CCNYL1: variants seen among roughly 807,000 people sequenced by gnomAD.
CCNYL1 encodes the protein cyclin-Y-like protein 1.
A neutral mutation model predicts 44.2 loss-of-function variants in CCNYL1; 16 were observed. The ratio of observed to expected loss-of-function variants is 0.36; its 90% CI spans 0.25 to 0.55. The LOEUF (loss-of-function observed/expected upper bound fraction) is 0.55, where lower values mean the gene tolerates loss of function less well. CCNYL1 is among the 20% of genes least tolerant of loss of function. The pLI, the probability that CCNYL1 is intolerant of heterozygous loss-of-function variation, is 0.85. For synonymous variants in CCNYL1, 159 were observed against 163.2 expected (o/e 0.97, Z 0.20); for missense variants, 348 against 451.8 (o/e 0.77, Z 2.08).
chr2:207,733,374 A>G (rs1338703691), intron 3 of CCNYL1, among the ~76,000 whole-genome samples: 1 of 152,342 alleles, frequency 6.6e-6, no homozygotes. Context: ...TATTAAAGTG[A>G]TACTTTTTCT....
At chr2:207,743,497 C>T (rs1395657134) in intron 7 of CCNYL1, among the ~76,000 whole-genome samples, 4 of 152,102 alleles carry the variant, frequency 2.6e-5, no homozygotes, top group Non-Finnish European at 5.9e-5. Flanking sequence ...CACCTGTAGT[C>T]CCTGTTGCTG....
chr2:207,740,020 T>C (rs907864909), intron 5 of CCNYL1, among the ~76,000 whole-genome samples: 5 of 152,302 alleles, frequency 3.3e-5, no homozygotes, highest in Admixed American at 2.6e-4. Flanking sequence ...AAGAACAGTT[T>C]TGACCTCAAG....
chr2:207,718,007 C>T (rs193091605), intron 1 of CCNYL1, among the ~76,000 whole-genome samples: 9 of 150,630 alleles, frequency 6.0e-5, no homozygotes, highest in African/African-American at 1.7e-4. Flanking sequence ...TGGGTTCAAG[C>T]GATTCTCCTG....
At chr2:207,732,420 T>G (rs2091735294) in intron 3 of CCNYL1, among the ~76,000 whole-genome samples, 1 of 152,202 alleles carries the variant, frequency 6.6e-6, no homozygotes, top group Non-Finnish European at 1.5e-5. Context: ...ACTGTATGGA[T>G]ATTTCTGATT....
intron 1 of CCNYL1, among the ~76,000 whole-genome samples, chr2:207,717,343 A>G (rs2091604978): frequency 6.6e-6 from 1 of 152,180 alleles, no homozygotes; most frequent in South Asian, 2.1e-4. Flanking sequence ...GAAAACTGGG[A>G]GAAACTTGAC....
intron 9 of CCNYL1, among the ~76,000 whole-genome samples, chr2:207,752,249 C>T (rs1292319538): frequency 6.6e-6 from 1 of 152,038 alleles, no homozygotes. Context: ...GTTTCAAATG[C>T]TGGATGTAAG....
chr2:207,717,843 A>G (rs2091608568), intron 1 of CCNYL1, among the ~76,000 whole-genome samples: 1 of 152,082 alleles, frequency 6.6e-6, no homozygotes, highest in African/African-American at 2.4e-5. Context: ...TTGGCAAAGA[A>G]TATAGACTTT....
chr2:207,735,189 G>C (rs536930739), intron 4 of CCNYL1, among the ~76,000 whole-genome samples: 23 of 152,110 alleles, frequency 1.5e-4, no homozygotes, highest in African/African-American at 5.5e-4. Context: ...GTTTTAATTT[G>C]TTCTCAGTAA....
chr2:207,715,402 G>C, intron 1 of CCNYL1, among the ~76,000 whole-genome samples: 1 of 12,750 alleles, frequency 7.8e-5, no homozygotes, highest in Non-Finnish European at 1.6e-4. Context: ...TTTTTTTTTT[G>C]ACAGAGCTTC....
intron 1 of CCNYL1, among the ~76,000 whole-genome samples, chr2:207,722,927 C>T (rs2091651994): frequency 6.6e-6 from 1 of 151,458 alleles, no homozygotes; most frequent in South Asian, 2.1e-4. Flanking sequence ...CCACAGCACT[C>T]CAGCCTGGGC....
intron 8 of CCNYL1, among the ~76,000 whole-genome samples, chr2:207,749,660 T>TA (rs1465595152): frequency 6.6e-6 from 1 of 152,230 alleles, no homozygotes; most frequent in East Asian, 1.9e-4. Flanking sequence ...GAAGTGCATT[T>TA]ATTGCTGTAG....
chr2:207,726,677 A>G (rs369892601), intron 2 of CCNYL1, among the ~76,000 whole-genome samples, 165 bp from the exon 3 acceptor site: 5 of 152,180 alleles, frequency 3.3e-5, no homozygotes, highest in Non-Finnish European at 2.9e-5. Flanking sequence ...ATTTTATTTT[A>G]TGGGATTCAT....
In CCNYL1 at chr2:207,733,943, TC is replaced by T. The variant is rs749087320; in HGVS notation, c.331-3del. On this transcript the variant is annotated splice_region_variant and splice_polypyrimidine_tract_variant and intron_variant, in intron 3 of 9. Transcript: ENST00000295414. ...CATTTTCTTCTATTTCCCTTCCCCT[TC>T]AGGTATCTCCAGGGCAGCTTACTAA... The T allele has an allele frequency of 1.9e-6, 3 of 1,585,914 alleles. No homozygotes were observed. Among genetic ancestry groups the T allele is most frequent in the Non-Finnish European group, 2.6e-6 (3 of 1,155,796 alleles).
intron 9 of CCNYL1, among the ~76,000 whole-genome samples, chr2:207,751,802 T>C (rs1575226192): frequency 7.3e-6 from 1 of 137,252 alleles, no homozygotes; most frequent in East Asian, 2.1e-4. Flanking sequence ...TGTGGTGAGC[T>C]GAAATCGTGC....
In CCNYL1 at chr2:207,753,690, C is replaced by T. The variant is rs1014724255; in HGVS notation, c.1072C>T (p.Leu358Phe). Reference protein sequence around the residue: ...FIGIQRSKAILS With the variant: ...FIGIQRSKAIFS ...TGGTATTCAGCGCTCTAAAGCCATC[C>T]TCTCTTAAAAGGAGAAATGAGGGGT... is the stretch of plus-strand genomic sequence containing the variant. Residue 358 changes from leucine to phenylalanine, a missense_variant, in exon 10 of 10, where the codon CTC becomes TTC. Leu to Phe is a conservative substitution (Grantham distance 22). This residue lies in a region of CCNYL1 where 94 missense variants were observed against 102.4 expected (regional missense o/e 0.92). Transcript: ENST00000295414. 1.2e-6 allele frequency: 2 copies of T among 1,605,296 alleles called. No individual in the cohort carries two copies. Among genetic ancestry groups the T allele is most frequent in the African/African-American group, 2.7e-5 (2 of 74,662 alleles).
chr2:207,736,383 G>C (rs1046213911), intron 4 of CCNYL1, among the ~76,000 whole-genome samples: 9 of 152,154 alleles, frequency 5.9e-5, no homozygotes, highest in Non-Finnish European at 1.3e-4. Flanking sequence ...ACAACTCCTT[G>C]TTTCCTGATA....
chr2:207,726,757 T>C, intron 2 of CCNYL1, 85 bp from the exon 3 acceptor site: 1 of 832,826 alleles, frequency 1.2e-6, no homozygotes, highest in Non-Finnish European at 1.9e-6. Context: ...TCTCATTTTG[T>C]ATATTGTTAA....
rs146915760 is a variant in CCNYL1 at position 207,713,803 on chromosome 2, T to G, written c.220+1687T>G. ...GGAATATTCAGACATTGTGAAAGAA[T>G]GAACAAATATATTATGTGAGTTAAT... On this transcript the variant is annotated intron_variant, in intron 1 of 9. Coordinates refer to ENST00000295414, the MANE Select transcript of CCNYL1 (RefSeq NM_001330218.2). Among the ~76,000 whole-genome samples the G allele has an allele frequency of 2.3e-3, 350 of 152,344 alleles. 1 individual carries two copies. The highest frequency in any genetic ancestry group is 8.0e-3 in the African/African-American group (334 of 41,586).
Position 207,753,919 on chromosome 2 carries a change from G to A in CCNYL1, c.*221G>A. On this transcript the variant is annotated 3_prime_UTR_variant, in exon 10 of 10. Coordinates refer to ENST00000295414, the MANE Select transcript of CCNYL1 (RefSeq NM_001330218.2). ...TTCTGTCCTTTTTAATGTAAACAGA[G>A]TTACAAAAACCACTCCAAAGTGAAG... 2.4e-6 allele frequency: 1 copy of A among 408,850 alleles called. No individual in the cohort carries two copies. Among genetic ancestry groups the A allele is most frequent in the Non-Finnish European group, 4.4e-6 (1 of 228,700 alleles). 25.3% of individuals were successfully genotyped at this position (408,850 alleles called of 1,614,324 possible).
Sources: gnomAD v4.1 joint callset for allele counts (sites outside exome capture counted in the v4.1 genomes callset) on GRCh38, gnomAD v4.1.1 for gene constraint, gnomAD v4.1.1 regional missense constraint, MANE v1.5 for transcripts, NCBI Gene and HGNC (gene_info 2026-07-23, HGNC 2026-07-21) for gene names.